The following PAX5 variants were observed in gnomAD, a reference collection of about 807,000 sequenced individuals.
PAX5 encodes paired box 5, also known as paired box protein Pax-5.
A neutral mutation model predicts 43.7 loss-of-function variants in PAX5; 9 were observed. The ratio of observed to expected loss-of-function variants is 0.21; its 90% CI spans 0.12 to 0.36. PAX5 has a LOEUF of 0.36. Ranked by LOEUF, PAX5 falls within the 10% of genes least tolerant of loss-of-function variation. PAX5 has a pLI of 1.00. For missense variants in PAX5, 383 were observed against 532.7 expected (o/e 0.72, Z 2.77); for synonymous variants, 228 against 214.3 (o/e 1.06, Z -0.56).
intron 8 of PAX5, among the ~76,000 whole-genome samples, chr9:36,862,142 G>T (rs1205584777): frequency 6.6e-6 from 1 of 151,538 alleles, no homozygotes; most frequent in Non-Finnish European, 1.5e-5. Context: ...ATGATCTTGG[G>T]CCTCTCTACC....
intron 5 of PAX5, among the ~76,000 whole-genome samples, chr9:36,996,217 C>A (rs1211061046): frequency 6.6e-6 from 1 of 152,258 alleles, no homozygotes; most frequent in Non-Finnish European, 1.5e-5. Flanking sequence ...CAAACATAGG[C>A]CTCTCCGTGG....
chr9:36,905,156 A>T (rs1356656203), intron 7 of PAX5, among the ~76,000 whole-genome samples: 1 of 152,190 alleles, frequency 6.6e-6, no homozygotes, highest in African/African-American at 2.4e-5. Flanking sequence ...ATCCCTCAGC[A>T]GTGTTGTGAG....
At chr9:37,023,640 C>T (rs1269612047) in intron 1 of PAX5, among the ~76,000 whole-genome samples, 1 of 143,958 alleles carries the variant, frequency 6.9e-6, no homozygotes, top group African/African-American at 2.9e-5. Flanking sequence ...TCCTCAGGCC[C>T]TGATAAGGTC....
chr9:36,912,570 T>G (rs1829387212), intron 7 of PAX5, among the ~76,000 whole-genome samples: 1 of 152,166 alleles, frequency 6.6e-6, no homozygotes, highest in Non-Finnish European at 1.5e-5. Context: ...GCCAGGGCCC[T>G]GGGGGAGCTA....
intron 6 of PAX5, among the ~76,000 whole-genome samples, chr9:36,952,659 A>G (rs1366645735): frequency 1.3e-5 from 2 of 151,996 alleles, no homozygotes; most frequent in Non-Finnish European, 2.9e-5. Context: ...AAGTATTAGT[A>G]CTTTCCCTAG....
intron 1 of PAX5, 64 bp downstream of exon 1, chr9:37,033,922 G>C: frequency 6.6e-7 from 1 of 1,505,944 alleles, no homozygotes; most frequent in South Asian, 1.1e-5. Flanking sequence ...GTCACCCTGC[G>C]TGGGGACCAA....
intron 6 of PAX5, among the ~76,000 whole-genome samples, chr9:36,927,679 A>G (rs1198057729): frequency 6.6e-6 from 1 of 150,928 alleles, no homozygotes; most frequent in Non-Finnish European, 1.5e-5. Context: ...CCTTAGCTGC[A>G]CTTCACCATC....
intron 7 of PAX5, among the ~76,000 whole-genome samples, chr9:36,916,311 C>T (rs1829726211): frequency 6.6e-6 from 1 of 152,102 alleles, no homozygotes; most frequent in Admixed American, 6.5e-5. Flanking sequence ...CGTCTGTTTA[C>T]TTCAGTTTCA....
intron 3 of PAX5, among the ~76,000 whole-genome samples, chr9:37,014,651 C>T (rs1266014518): frequency 2.0e-5 from 3 of 152,160 alleles, no homozygotes; most frequent in Non-Finnish European, 4.4e-5. Flanking sequence ...GCAGGGACAG[C>T]GACATTTGTG....
At chr9:36,930,786 C>T in intron 6 of PAX5, 3 of 1,260,232 alleles carry the variant, frequency 2.4e-6, no homozygotes, top group Non-Finnish European at 3.1e-6. Context: ...ACTTTGGAAA[C>T]TAAGCAATAT....
In PAX5 at chr9:36,840,002, T is replaced by C. The variant is rs1321377664; in HGVS notation, c.*558A>G. 4.2e-6 allele frequency: 1 copy of C among 239,154 alleles called. No individual in the cohort carries two copies. Among genetic ancestry groups the C allele is most frequent in the Non-Finnish European group, 8.2e-6 (1 of 121,278 alleles). 14.8% of individuals were successfully genotyped at this position (239,154 alleles called of 1,614,324 possible). A position where few individuals can be genotyped will look rare whatever the true frequency, so the allele number is the denominator to read the frequency against. On this transcript the variant is annotated 3_prime_UTR_variant, in exon 10 of 10. Transcript: ENST00000358127. ...AGGCTGGGGCCCAAGGGCAGCATCC[T>C]CCATCTTGAGGACAGCTCTGAGCGC...
At chr9:36,971,207 T>C (rs1383273654) in intron 5 of PAX5, among the ~76,000 whole-genome samples, 3 of 152,170 alleles carry the variant, frequency 2.0e-5, no homozygotes, top group African/African-American at 7.2e-5. Context: ...CTAGTAAAGG[T>C]ACAAGTATCA....
At chr9:37,029,465 G>A (rs1368984574) in intron 1 of PAX5, among the ~76,000 whole-genome samples, 1 of 152,224 alleles carries the variant, frequency 6.6e-6, no homozygotes, top group Non-Finnish European at 1.5e-5. Context: ...TGCGCGCCGG[G>A]GTGGAGTGGC....
intron 6 of PAX5, among the ~76,000 whole-genome samples, chr9:36,951,334 A>G (rs1832989076): frequency 1.3e-5 from 2 of 152,340 alleles, no homozygotes; most frequent in Middle Eastern, 6.8e-3. Flanking sequence ...AGTCTCCCCA[A>G]AATATCATGG....
intron 6 of PAX5, among the ~76,000 whole-genome samples, chr9:36,941,891 C>A (rs1024741026): frequency 3.9e-5 from 6 of 152,160 alleles, no homozygotes; most frequent in Non-Finnish European, 8.8e-5. Flanking sequence ...TAGGGCATCT[C>A]CCAAGACAGA....
chr9:36,991,711 G>T (rs1192433258), intron 5 of PAX5, among the ~76,000 whole-genome samples: 1 of 98,314 alleles, frequency 1.0e-5, no homozygotes, highest in Non-Finnish European at 2.6e-5. Flanking sequence ...TACCCCTCTT[G>T]TTCCTAACCC....
At chr9:36,959,888 C>T (rs1429199364) in intron 6 of PAX5, among the ~76,000 whole-genome samples, 1 of 152,240 alleles carries the variant, frequency 6.6e-6, no homozygotes, top group Admixed American at 6.5e-5. Flanking sequence ...CCACTGTACT[C>T]ATCTCACCAA....
intron 5 of PAX5, among the ~76,000 whole-genome samples, chr9:36,970,666 G>C (rs1208523500): frequency 6.6e-6 from 1 of 152,148 alleles, no homozygotes; most frequent in Non-Finnish European, 1.5e-5. Flanking sequence ...TGAGTCACCT[G>C]TTCAGCCGCA....
intron 8 of PAX5, among the ~76,000 whole-genome samples, chr9:36,861,682 T>C (rs1312396707): frequency 6.6e-6 from 1 of 151,252 alleles, no homozygotes; most frequent in East Asian, 2.0e-4. Flanking sequence ...GTGGGAGGTG[T>C]GTGGCTAGGA....
Sources: gnomAD v4.1 joint callset for allele counts (sites outside exome capture counted in the v4.1 genomes callset) on GRCh38, gnomAD v4.1.1 for gene constraint, MANE v1.5 for transcripts, NCBI Gene and HGNC (gene_info 2026-07-23, HGNC 2026-07-21) for gene names.